Variants in FCSK observed in about 807,000 individuals in gnomAD.
The protein encoded by FCSK is fucose kinase, also known as L-fucose kinase.
Under a neutral mutation model 122.5 loss-of-function variants are expected in FCSK, and 123 were observed. The ratio of observed to expected loss-of-function variants is 1.00; its 90% CI spans 0.87 to 1.17. The LOEUF (loss-of-function observed/expected upper bound fraction) is 1.17, where lower values mean the gene tolerates loss of function less well. Ranked by LOEUF, FCSK falls within the 50% of genes most tolerant of loss-of-function variation. FCSK has a pLI of 0.00. For missense variants in FCSK, 1,366 were observed against 1,450.4 expected (o/e 0.94, Z 0.95); for synonymous variants, 620 against 625.5 (o/e 0.99, Z 0.13).
chr16:70,479,601 A>G lies in FCSK; in HGVS notation c.3176A>G (p.His1059Arg), dbSNP rs768599884. 3.7e-6 allele frequency: 6 copies of G among 1,614,012 alleles called. No individual in the cohort carries two copies. The Admixed American group carries it at 1.0e-4, about 27-fold the overall frequency. The change falls in exon 24 of 24, where the codon CAC becomes CGC. Residue 1059 changes from histidine to arginine, a missense_variant. By Grantham distance (29) the His-to-Arg change is conservative (BLOSUM62 0). Transcript: ENST00000288078. ...CAGGGCCTTGGGAATTACAGCATCC[A>G]CCTGGTTGAAGTGGACACTCAGGGC... Reference protein sequence around the residue: ...KTEGLGNYSIHLVEVDTQGLS... With the variant: ...KTEGLGNYSIRLVEVDTQGLS...
chr16:70,471,351 A>C lies in FCSK; in HGVS notation c.1340A>C (p.Glu447Ala), dbSNP rs1567705339. Residue 447 changes from glutamate (E) to alanine (A), a missense_variant and splice_region_variant, in exon 13 of 24, where the codon GAG becomes GCG. Physicochemically the swap from Glu to Ala is moderately radical, Grantham distance 107 (BLOSUM62 -1). Coordinates refer to ENST00000288078, the MANE Select transcript of FCSK (RefSeq NM_145059.3). ...FTLVGRLDSW[E>A]RQGAGTYLNV... The stretch of plus-strand genomic sequence containing the variant: ...CTCGTTGGCCGTCTGGACAGCTGGG[A>C]GGTAGGCAGTCACCCTGCATTCCCT... 1 of 1,574,212 alleles carries C rather than the reference A, an allele frequency of 6.4e-7. No homozygotes were observed.
At chr16:70,478,805 A>G (rs1289314530) in intron 22 of FCSK, 155 bp downstream of exon 22, 3 of 732,734 alleles carry the variant, frequency 4.1e-6, no homozygotes, top group South Asian at 3.0e-5. Flanking sequence ...AGGGTCTCAC[A>G]TTTAGGGGAG....
intron 4 of FCSK, 110 bp downstream of exon 4, chr16:70,465,286 G>C: frequency 1.8e-6 from 2 of 1,105,104 alleles, no homozygotes; most frequent in Non-Finnish European, 2.6e-6. Flanking sequence ...GATGAAATCT[G>C]AAAGATTCTA....
At chr16:70,477,967 G>A in intron 20 of FCSK, 1 of 336,496 alleles carries the variant, frequency 3.0e-6, no homozygotes, top group Non-Finnish European at 5.5e-6. Context: ...ACAGGCGTGT[G>A]CCACCGTGCC....
Position 70,468,967 on chromosome 16 carries a change from A to G in FCSK, c.782A>G (p.Gln261Arg). The change falls in exon 9 of 24, where the codon CAG becomes CGG. Residue 261 changes from glutamine to arginine, a missense_variant and splice_region_variant. Gln to Arg is a conservative substitution (Grantham distance 43, BLOSUM62 1). Transcript: ENST00000288078. Reference protein sequence around the residue: ...LGLDSGARPVQLSLFFDILHC... With the variant: ...LGLDSGARPVRLSLFFDILHC... ...TTGGACTCCGGAGCCCGGCCTGTCC[A>G]GGTGACTGGGGGAGGGCAGCTAGGT... is the stretch of plus-strand genomic sequence containing the variant. 2 of 1,613,104 alleles carry G rather than the reference A, an allele frequency of 1.2e-6. No individual in the cohort carries two copies. The highest frequency in any genetic ancestry group is 1.7e-6 in the Non-Finnish European group (2 of 1,179,982).
intron 3 of FCSK, among the ~76,000 whole-genome samples, 180 bp downstream of exon 3, chr16:70,463,954 G>C (rs2048340900): frequency 6.6e-6 from 1 of 152,176 alleles, no homozygotes; most frequent in Non-Finnish European, 1.5e-5. Flanking sequence ...GCAGAAGGCA[G>C]GGCCAGCTTT....
Position 70,479,784 on chromosome 16 carries a change from A to G in FCSK, c.*104A>G. ...CTCCTACTCCCCACCCACCTCTGCG[A>G]ATCTGCTCCCAAAGGAAGCTGACCA... On this transcript the variant is annotated 3_prime_UTR_variant, in exon 24 of 24. Coordinates refer to ENST00000288078, the MANE Select transcript of FCSK (RefSeq NM_145059.3). The G allele has an allele frequency of 1.2e-6, 1 of 822,850 alleles. No individual in the cohort carries two copies. Among genetic ancestry groups the G allele is most frequent in the Non-Finnish European group, 1.9e-6 (1 of 521,014 alleles). 51.0% of individuals were successfully genotyped at this position (822,850 alleles called of 1,614,324 possible).
chr16:70,460,193 G>A (rs2048220949), intron 1 of FCSK, among the ~76,000 whole-genome samples: 1 of 146,570 alleles, frequency 6.8e-6, no homozygotes, highest in African/African-American at 2.6e-5. Context: ...CTCACTGCAA[G>A]CTCCGCCTCC....
In FCSK at chr16:70,473,958, T is replaced by C. The variant is rs2048713708; in HGVS notation, c.1778-171T>C. 7.0e-6 allele frequency among the ~76,000 whole-genome samples: 1 copy of C among 142,348 alleles called. No homozygotes were observed. The highest frequency in any genetic ancestry group is 1.9e-4 in the East Asian group (1 of 5,196). The allele number at this position is 142,348 out of a possible 152,430, so 93.4% of individuals were successfully genotyped here. A position where few individuals can be genotyped will look rare whatever the true frequency, so the allele number is the denominator to read the frequency against. ...GGCTGGGACTGGCAAGACGAGATGATCTCTGCCAGGCAGAGAGCAGGAGTG... is the reference window on the plus strand; with the variant it reads ...GGCTGGGACTGGCAAGACGAGATGACCTCTGCCAGGCAGAGAGCAGGAGTG... On this transcript the variant is annotated intron_variant, in intron 15 of 23. Coordinates refer to ENST00000288078, the MANE Select transcript of FCSK (RefSeq NM_145059.3). The surrounding 1 kb of genome is among the most constrained non-coding windows in gnomAD (Gnocchi z 4.9).
chr16:70,474,558 C>T lies in FCSK; in HGVS notation c.2019C>T (p.His673=). 1 of 1,555,134 alleles carries T rather than the reference C, an allele frequency of 6.4e-7. No individual in the cohort carries two copies. Among genetic ancestry groups the T allele is most frequent in the South Asian group, 1.2e-5 (1 of 84,540 alleles). The change falls in exon 17 of 24, where the codon CAC becomes CAT. Residue 673 remains histidine (H), a synonymous_variant. Coordinates refer to ENST00000288078, the MANE Select transcript of FCSK (RefSeq NM_145059.3). ...RPALLVRAAR[H]YEGAGQILIR... is the part of the protein sequence containing the mutation. ...CCTTGCTGGTGCGAGCGGCCCGCCA[C>T]TATGAGGGGGCTGGTCAGATCCTGA...
At chr16:70,470,219 C>A in intron 10 of FCSK, 95 bp from the exon 11 acceptor site, 1 of 788,986 alleles carries the variant, frequency 1.3e-6, no homozygotes, top group Non-Finnish European at 2.1e-6. Context: ...GGCTCATGGC[C>A]ACACCTGCCC....
At position 70,473,741 on chromosome 16, in the gene FCSK, G is replaced by C. The variant is rs1415280674; in HGVS notation, c.1777+388G>C. ...CCAAGCACACTTCCGGGGGCTCACA[G>C]CCTTAGCCTCCTAGGCTGAACCTCA... On this transcript the variant is annotated intron_variant, in intron 15 of 23. Transcript: ENST00000288078. This position sits in a 1 kb window ranked among gnomAD's most constrained non-coding sequence, Gnocchi z 4.9. Among the ~76,000 whole-genome samples the C allele has an allele frequency of 6.6e-6, 1 of 152,188 alleles. No homozygotes were observed. Among genetic ancestry groups the C allele is most frequent in the Non-Finnish European group, 1.5e-5 (1 of 68,032 alleles).
At chr16:70,470,842 G>T (rs1290236475) in intron 11 of FCSK, 129 bp from the exon 12 acceptor site, 1 of 777,896 alleles carries the variant, frequency 1.3e-6, no homozygotes, top group East Asian at 2.7e-5. Flanking sequence ...CCAGAGAGGA[G>T]TCTAGGGTGC....
chr16:70,463,388 CT>C (rs1365221956), intron 2 of FCSK, 116 bp downstream of exon 2: 25 of 941,512 alleles, frequency 2.7e-5, no homozygotes, highest in Non-Finnish European at 4.0e-5. Flanking sequence ...GATTGCACTT[CT>C]CCCTAGCCAT....
intron 10 of FCSK, 29 bp downstream of exon 10, chr16:70,469,352 TG>T: frequency 6.4e-7 from 1 of 1,555,586 alleles, no homozygotes. Context: ...CTCCCTGGGG[TG>T]GGGAGACCAT....
rs368445106 is a variant in FCSK, at chr16:70,479,635, G to C, written c.3210G>C (p.Leu1070=). 6.2e-7 allele frequency: 1 copy of C among 1,614,050 alleles called. No individual in the cohort carries two copies. Among genetic ancestry groups the C allele is most frequent in the African/African-American group, 1.3e-5 (1 of 74,918 alleles). The change falls in exon 24 of 24, where the codon CTG becomes CTC. Residue 1070 remains leucine, a synonymous_variant. Transcript: ENST00000288078. ...AAGTGGACACTCAGGGCCTGAGCCT[G>C]AAGCTGCTGGGGACCGAGGCCTCAA... The part of the protein sequence containing the change: ...LVEVDTQGLS[L]KLLGTEASTC...
Position 70,479,320 on chromosome 16 carries a change from G to A in FCSK, c.3070G>A (p.Ala1024Thr). The A allele has an allele frequency of 6.2e-7, 1 of 1,614,044 alleles. No individual in the cohort carries two copies. The highest frequency in any genetic ancestry group is 8.5e-7 in the Non-Finnish European group (1 of 1,180,034). ...CGTGCATGGCCAGAGCCTGGCTGGGGCAGGCGGTGGAGGCTTTCTCTATCT... is the reference window on the plus strand; with the variant it reads ...CGTGCATGGCCAGAGCCTGGCTGGGACAGGCGGTGGAGGCTTTCTCTATCT... ...PHVHGQSLAG[A>T]GGGGFLYLLT... Residue 1024 changes from alanine to threonine, a missense_variant, in exon 23 of 24, where the codon GCA (alanine) becomes ACA (threonine). Physicochemically the swap from Ala to Thr is moderately conservative, Grantham distance 58. Coordinates refer to ENST00000288078, the MANE Select transcript of FCSK (RefSeq NM_145059.3).
At chr16:70,470,879 G>T (rs1467861609) in intron 11 of FCSK, 92 bp from the exon 12 acceptor site, 1 of 1,141,868 alleles carries the variant, frequency 8.8e-7, no homozygotes, top group Non-Finnish European at 1.2e-6. Context: ...AGTAGGCCTG[G>T]ACGCTTTGCC....
rs571572859 is a variant in FCSK, at chr16:70,462,969, A to G, written c.-22-200A>G. Among the ~76,000 whole-genome samples the G allele has an allele frequency of 3.9e-5, 6 of 152,280 alleles. No individual in the cohort carries two copies. In the East Asian group the frequency reaches 7.7e-4, roughly 20 times the overall value. ...CGACATTTTCTAAGTTGATGAAACTATAGCTTTAGAGAGCAAATCAGTGGT... is the reference window on the plus strand; with the variant it reads ...CGACATTTTCTAAGTTGATGAAACTGTAGCTTTAGAGAGCAAATCAGTGGT... On this transcript the variant is annotated intron_variant, in intron 1 of 23. Transcript: ENST00000288078.
Sources: allele counts gnomAD v4.1 joint callset (sites outside exome capture counted in the v4.1 genomes callset), GRCh38; gene constraint gnomAD v4.1.1; non-coding constraint Gnocchi (gnomAD v3.1); transcripts MANE v1.5; gene names NCBI Gene and HGNC (gene_info 2026-07-23, HGNC 2026-07-21).